The following STAU2 variants were observed in gnomAD, a reference collection of about 807,000 sequenced individuals.
STAU2 encodes the protein double-stranded RNA-binding protein Staufen homolog 2.
STAU2 carries 20 observed loss-of-function variants against 65.9 expected under a neutral mutation model. The observed-to-expected ratio is 0.30, with a 90% CI of 0.21 to 0.44. The LOEUF is 0.44. Among genes scored for constraint, STAU2 ranks in the 20% least tolerant of loss-of-function variants. The pLI is 1.00. For synonymous variants in STAU2, 232 were observed against 233.9 expected (o/e 0.99, Z 0.07); for missense variants, 558 against 683.9 (o/e 0.82, Z 2.05).
chr8:73,740,615 CTTTT>C (rs753732890), intron 1 of STAU2, among the ~76,000 whole-genome samples: 2 of 151,140 alleles, frequency 1.3e-5, no homozygotes, highest in Non-Finnish European at 3.0e-5. Flanking sequence ...AACCAATCAT[CTTTT>C]TTTTTAACTG....
intron 13 of STAU2, among the ~76,000 whole-genome samples, chr8:73,513,229 T>C (rs968792965): frequency 6.6e-6 from 1 of 152,220 alleles, no homozygotes; most frequent in Admixed American, 6.5e-5. Context: ...ATCTGTGGAA[T>C]CCATCTCCTT....
At chr8:73,479,844 C>T (rs1004611887) in intron 13 of STAU2, among the ~76,000 whole-genome samples, 4 of 151,554 alleles carry the variant, frequency 2.6e-5, no homozygotes, top group African/African-American at 9.7e-5. Context: ...TCTTCAGGAA[C>T]GTAGACATAT....
chr8:73,698,569 TATAATG>T (rs1178893034), intron 4 of STAU2, among the ~76,000 whole-genome samples: 3 of 152,300 alleles, frequency 2.0e-5, no homozygotes, highest in Non-Finnish European at 4.4e-5. Context: ...AAGGTCATTA[TATAATG>T]ATAAAGGGGT....
At chr8:73,536,454 A>C (rs1341762142) in intron 13 of STAU2, among the ~76,000 whole-genome samples, 7 of 152,222 alleles carry the variant, frequency 4.6e-5, no homozygotes, top group Non-Finnish European at 8.8e-5. Context: ...GGGAAACACC[A>C]TGGAAAAAAT....
Position 73,612,492 on chromosome 8 carries a change from G to A in STAU2, c.891+1252C>T, listed in dbSNP as rs1812549850. Among the ~76,000 whole-genome samples, 4 of 152,104 alleles carry A rather than the reference G, an allele frequency of 2.6e-5. No individual in the cohort carries two copies. The South Asian group carries it at 8.3e-4, about 31-fold the overall frequency. On this transcript the variant is annotated intron_variant, in intron 9 of 14. Transcript: ENST00000524300. ...GTAGGAGGAGCATATGAATGAAAGTGCCAGTCCTCTTTGGAACCACTATGA... is the reference window on the plus strand; with the variant it reads ...GTAGGAGGAGCATATGAATGAAAGTACCAGTCCTCTTTGGAACCACTATGA...
At chr8:73,569,389 A>G (rs1198029355) in intron 12 of STAU2, among the ~76,000 whole-genome samples, 2 of 152,282 alleles carry the variant, frequency 1.3e-5, no homozygotes, top group Admixed American at 6.5e-5. Flanking sequence ...GGGGCAGGGC[A>G]TAGCTGAACA....
chr8:73,521,969 G>A (rs1823066853), intron 13 of STAU2, among the ~76,000 whole-genome samples: 1 of 152,152 alleles, frequency 6.6e-6, no homozygotes, highest in African/African-American at 2.4e-5. Context: ...GCTTGGTTAG[G>A]TGGTTGATTT....
chr8:73,600,153 T>TTTA (rs1329396903), intron 10 of STAU2, among the ~76,000 whole-genome samples: 1 of 152,092 alleles, frequency 6.6e-6, no homozygotes, highest in African/African-American at 2.4e-5. Context: ...AAATACAAAC[T>TTTA]TAAACATAAA....
At chr8:73,467,983 G>A (rs959220898) in intron 13 of STAU2, among the ~76,000 whole-genome samples, 27 of 152,284 alleles carry the variant, frequency 1.8e-4, no homozygotes, top group African/African-American at 5.5e-4. Context: ...CCAAAAAAGA[G>A]CCCACATTGC....
chr8:73,580,683 T>A (rs1416442122), intron 12 of STAU2, among the ~76,000 whole-genome samples: 1 of 152,214 alleles, frequency 6.6e-6, no homozygotes, highest in Non-Finnish European at 1.5e-5. Flanking sequence ...CTTCCTAATG[T>A]TGTATTTAAG....
At chr8:73,635,948 ACACC>A (rs770404091) in intron 6 of STAU2, among the ~76,000 whole-genome samples, 3,836 of 77,500 alleles carry the variant, frequency 0.049, 64 homozygotes, top group East Asian at 0.079. Context: ...ACACACACAC[ACACC>A]CCTGGAACCA....
chr8:73,515,761 GAA>G lies in STAU2; in HGVS notation c.1530+36249_1530+36250del, dbSNP rs552059811. On this transcript the variant is annotated intron_variant, in intron 13 of 14. Coordinates refer to ENST00000524300, the MANE Select transcript of STAU2 (RefSeq NM_001164380.2). ...TTCAAGGCAACCTTCTCCCTGTGCT[GAA>G]AAAATTTCTCTTTTTTTTTTTTTTT... is the stretch of plus-strand genomic sequence containing the variant. 3.9e-3 allele frequency among the ~76,000 whole-genome samples: 531 copies of G among 136,226 alleles called. 1 individual carries two copies. Among genetic ancestry groups the G allele is most frequent in the African/African-American group, 0.013 (474 of 36,824 alleles). 89.4% of individuals were successfully genotyped at this position (136,226 alleles called of 152,430 possible).
intron 13 of STAU2, 53 bp from the exon 14 acceptor site, chr8:73,422,755 C>A: frequency 8.2e-7 from 1 of 1,217,102 alleles, no homozygotes; most frequent in South Asian, 1.8e-5. Context: ...GTGTAATGAA[C>A]AAGTAACTGA....
chr8:73,672,934 GTTTC>G (rs1758682536), intron 6 of STAU2, 169 bp downstream of exon 6: 5 of 537,994 alleles, frequency 9.3e-6, no homozygotes, highest in Non-Finnish European at 1.4e-5. Context: ...TGAAAACTGG[GTTTC>G]TTTAAGTTAT....
intron 10 of STAU2, among the ~76,000 whole-genome samples, chr8:73,601,267 T>G (rs994566412): frequency 1.3e-5 from 2 of 152,202 alleles, no homozygotes; most frequent in African/African-American, 4.8e-5. Context: ...CCTGGTGATC[T>G]CAATCACAGG....
chr8:73,507,144 C>A (rs1238008167), intron 13 of STAU2, among the ~76,000 whole-genome samples: 1 of 150,486 alleles, frequency 6.6e-6, no homozygotes, highest in African/African-American at 2.4e-5. Flanking sequence ...CCATGAATCA[C>A]AAATGTATCT....
intron 9 of STAU2, among the ~76,000 whole-genome samples, chr8:73,613,447 T>C (rs1195981469): frequency 1.3e-5 from 2 of 152,200 alleles, no homozygotes; most frequent in Non-Finnish European, 2.9e-5. Context: ...ATCTACCTTA[T>C]ACGGTCATGA....
At chr8:73,442,287 G>A (rs1818208611) in intron 13 of STAU2, among the ~76,000 whole-genome samples, 3 of 151,078 alleles carry the variant, frequency 2.0e-5, no homozygotes. Context: ...TTGGAAGGTG[G>A]AGCTTGCAGT....
chr8:73,676,404 A>C (rs144064901), intron 5 of STAU2, among the ~76,000 whole-genome samples: 58 of 152,352 alleles, frequency 3.8e-4, no homozygotes, highest in African/African-American at 9.9e-4. Flanking sequence ...ATCATACATT[A>C]AACTCGATTC....
Sources: gnomAD v4.1 joint callset for allele counts (sites outside exome capture counted in the v4.1 genomes callset) on GRCh38, gnomAD v4.1.1 for gene constraint, MANE v1.5 for transcripts, NCBI Gene and HGNC (gene_info 2026-07-23, HGNC 2026-07-21) for gene names.